PIEZO1: variants seen among roughly 807,000 people sequenced by gnomAD.
PIEZO1 encodes piezo type mechanosensitive ion channel component 1 (Er blood group).
Under a neutral mutation model 297.2 loss-of-function variants are expected in PIEZO1, and 296 were observed. The observed-to-expected ratio is 1.00, with a 90% CI of 0.91 to 1.10. The LOEUF (loss-of-function observed/expected upper bound fraction) is 1.10. Among genes scored for constraint, PIEZO1 ranks in the 50% least tolerant of loss-of-function variants. The probability of loss-of-function intolerance (pLI) is 0.00; values close to 1 mark genes in which losing one functional copy is unlikely to be tolerated. For synonymous variants in PIEZO1, 2,427 were observed against 1,507.5 expected (o/e 1.61, Z -14.13); for missense variants, 5,018 against 3,455.5 (o/e 1.45, Z -11.34).
At chr16:88,765,081 C>T (rs1907111161) in intron 1 of PIEZO1, among the ~76,000 whole-genome samples, 1 of 152,254 alleles carries the variant, frequency 6.6e-6, no homozygotes, top group African/African-American at 2.4e-5. Context: ...TGACTCAGAG[C>T]CCTCACCCTG....
chr16:88,715,340 T>C lies in PIEZO1; in HGVS notation c.*265A>G, dbSNP rs1597437666. 7.5e-7 allele frequency: 1 copy of C among 1,331,312 alleles called. No homozygotes were observed. 82.5% of individuals were successfully genotyped at this position (1,331,312 alleles called of 1,614,324 possible). On this transcript the variant is annotated 3_prime_UTR_variant, in exon 51 of 51. Transcript: ENST00000301015. ...AAGGCAAGGACGGGGGACTGGCCTC[T>C]GATTGTCCATTTGTATAAATAAAAC...
At position 88,732,517 on chromosome 16, in the gene PIEZO1, G is replaced by A. The variant is rs1439610784; in HGVS notation, c.2809C>T (p.Leu937=). ...GYIQNHLQVL[L]LLVFEAIVYR... The stretch of plus-strand genomic sequence containing the variant: ...ACGATGGCCTCGAATACCAGCAGCA[G>A]CAGCACTTGCAGGTGGTTCTGCGGA... Residue 937 remains leucine, a synonymous_variant, in exon 21 of 51, where the codon CTG becomes TTG. Transcript: ENST00000301015. The A allele has an allele frequency of 2.3e-5, 35 of 1,547,280 alleles. 1 individual carries two copies. The highest frequency in any genetic ancestry group is 9.5e-5 in the South Asian group (8 of 83,982).
At position 88,723,229 on chromosome 16, in the gene PIEZO1, T is replaced by G. The variant is rs556192149; in HGVS notation, c.4435A>C (p.Thr1479Pro). 109 of 1,547,474 alleles carry G rather than the reference T, an allele frequency of 7.0e-5. 4 individuals are homozygous for G. The South Asian group carries it at 1.1e-3, about 16-fold the overall frequency. ...GTCCCCACGCCCCCCAGCTCACCTGTGGGTAGCTGTCCTGCCTGTTCCTGC... is the reference window on the plus strand; with the variant it reads ...GTCCCCACGCCCCCCAGCTCACCTGGGGGTAGCTGTCCTGCCTGTTCCTGC... ...ARQEQAGQLP[T>P]GGGPSQEVEP... The change falls in exon 32 of 51, where the codon ACA becomes CCA. Residue 1479 changes from threonine (T) to proline (P), a missense_variant. Thr to Pro is a conservative substitution (Grantham distance 38, BLOSUM62 -1). Transcript: ENST00000301015.
rs939613776 is a variant in PIEZO1 at position 88,717,329 on chromosome 16, C to A, written c.6472-118G>T. On this transcript the variant is annotated intron_variant, in intron 44 of 50. Transcript: ENST00000301015. Reference sequence around the variant, plus strand: ...GCCCCAGCCTGACCTCAGTATGGCACAGCGGTAGTAATGGTGGGCAGACAC... The same window carrying A: ...GCCCCAGCCTGACCTCAGTATGGCAAAGCGGTAGTAATGGTGGGCAGACAC... 2.6e-5 allele frequency: 22 copies of A among 850,648 alleles called. No homozygotes were observed. The African/African-American group carries it at 2.8e-4, about 11-fold the overall frequency. The allele number at this position is 850,648 out of a possible 1,614,324, so 52.7% of individuals were successfully genotyped here.
At chr16:88,753,240 C>CA (rs1906487302) in intron 1 of PIEZO1, among the ~76,000 whole-genome samples, 1 of 61,076 alleles carries the variant, frequency 1.6e-5, no homozygotes, top group Non-Finnish European at 3.1e-5. Context: ...GCACACCAGC[C>CA]CCCCCAGAGC....
chr16:88,721,620 A>G lies in PIEZO1; in HGVS notation c.5321T>C (p.Leu1774Pro). The G allele has an allele frequency of 2.6e-6, 4 of 1,550,178 alleles. No individual in the cohort carries two copies. The highest frequency in any genetic ancestry group is 1.2e-5 in the South Asian group (1 of 84,064). Residue 1774 changes from leucine to proline, a missense_variant, in exon 38 of 51, where the codon CTG (leucine) becomes CCG (proline). Transcript: ENST00000301015. ...ENKPYFPPRI[L>P]GLEKTDGYIK... is the part of the protein sequence containing the mutation. ...GTAGCCGTCAGTCTTCTCCAGGCCCAGGATGCGGGGCGGGAAGTAGGGCTT... is the reference window on the plus strand; with the variant it reads ...GTAGCCGTCAGTCTTCTCCAGGCCCGGGATGCGGGGCGGGAAGTAGGGCTT...
Position 88,715,535 on chromosome 16 carries a change from G to C in PIEZO1, c.*70C>G, listed in dbSNP as rs1911930214. On this transcript the variant is annotated 3_prime_UTR_variant, in exon 51 of 51. Coordinates refer to ENST00000301015, the MANE Select transcript of PIEZO1 (RefSeq NM_001142864.4). ...GGGGCAGTGGCTCCCCCGGCCTGAG[G>C]AGTGCCGCCCCTTGTGGCCACGCTG... 1 of 1,449,974 alleles carries C rather than the reference G, an allele frequency of 6.9e-7. No individual in the cohort carries two copies. Among genetic ancestry groups the C allele is most frequent in the Non-Finnish European group, 9.3e-7 (1 of 1,073,288 alleles). The allele number at this position is 1,449,974 out of a possible 1,614,324, so 89.8% of individuals were successfully genotyped here. A position where few individuals can be genotyped will look rare whatever the true frequency, so the allele number is the denominator to read the frequency against.
intron 1 of PIEZO1, among the ~76,000 whole-genome samples, chr16:88,763,995 G>T (rs548936841): frequency 6.6e-6 from 1 of 152,266 alleles, no homozygotes; most frequent in Non-Finnish European, 1.5e-5. Context: ...AGGGGTTTCA[G>T]GAGCCCACAG....
chr16:88,769,812 C>T (rs1001485197), intron 1 of PIEZO1, among the ~76,000 whole-genome samples: 8 of 152,204 alleles, frequency 5.3e-5, no homozygotes, highest in South Asian at 2.1e-4. Flanking sequence ...GGGGCCAGGA[C>T]GAGCCTCATG....
At chr16:88,756,364 C>T (rs1038393011) in intron 1 of PIEZO1, among the ~76,000 whole-genome samples, 3 of 152,154 alleles carry the variant, frequency 2.0e-5, no homozygotes, top group African/African-American at 7.2e-5. Context: ...CCACAATGGC[C>T]GCACTGGCCA....
intron 35 of PIEZO1, 72 bp downstream of exon 35, chr16:88,722,511 G>C (rs1160828376): frequency 2.1e-6 from 3 of 1,430,846 alleles, no homozygotes; most frequent in African/African-American, 1.4e-5. Context: ...GGAATGGCGA[G>C]GGTCGGGGAT....
chr16:88,748,622 T>C (rs1386761773), intron 2 of PIEZO1, among the ~76,000 whole-genome samples: 1 of 151,994 alleles, frequency 6.6e-6, no homozygotes, highest in Admixed American at 6.6e-5. Context: ...GCCTGGAGCC[T>C]GCAGAGAGTG....
Position 88,767,276 on chromosome 16 carries a change from T to C in PIEZO1, c.64+17625A>G, listed in dbSNP as rs145873466. 3.3e-5 allele frequency among the ~76,000 whole-genome samples: 5 copies of C among 152,282 alleles called. No individual in the cohort carries two copies. In the East Asian group the frequency reaches 9.7e-4, roughly 29 times the overall value. On this transcript the variant is annotated intron_variant, in intron 1 of 50. Transcript: ENST00000301015. The stretch of plus-strand genomic sequence containing the variant: ...CCAGGGCCATCTGCAAGGGCATCCC[T>C]GGCCTGTGGCTGTGCTGAGACCCCT...
At position 88,726,347 on chromosome 16, in the gene PIEZO1, A is replaced by C; in HGVS notation, c.3905T>G (p.Phe1302Cys). 1 of 1,550,386 alleles carries C rather than the reference A, an allele frequency of 6.5e-7. No homozygotes were observed. Among genetic ancestry groups the C allele is most frequent in the Non-Finnish European group, 8.7e-7 (1 of 1,146,928 alleles). ...FFFLLLQRRV[F>C]LSHYYLHVRA... ...GACGTGCAGGTAGTAATGGCTAAGGAAGACGCGGCGCTGCAGCAGCAGGAA... is the reference window on the plus strand; with the variant it reads ...GACGTGCAGGTAGTAATGGCTAAGGCAGACGCGGCGCTGCAGCAGCAGGAA... Residue 1302 changes from phenylalanine to cysteine, a missense_variant, in exon 27 of 51, where the codon TTC (phenylalanine) becomes TGC (cysteine). By Grantham distance (205) the Phe-to-Cys change is radical (BLOSUM62 -2). Transcript: ENST00000301015.
At position 88,732,267 on chromosome 16, in the gene PIEZO1, C is replaced by T. The variant is rs181125579; in HGVS notation, c.2991+68G>A. Reference sequence around the variant, plus strand: ...TGGGGCCAGGCTTGCGGTGCCTGCACGGTGCAGCCGTCCCTCCCTCCCGAA... The same window carrying T: ...TGGGGCCAGGCTTGCGGTGCCTGCATGGTGCAGCCGTCCCTCCCTCCCGAA... On this transcript the variant is annotated intron_variant, in intron 21 of 50. Transcript: ENST00000301015. 1.8e-3 allele frequency: 2,513 copies of T among 1,374,036 alleles called. 17 individuals are homozygous for T. The highest frequency in any genetic ancestry group is 9.3e-3 in the African/African-American group (645 of 69,694). The allele number at this position is 1,374,036 out of a possible 1,614,324, so 85.1% of individuals were successfully genotyped here. A position where few individuals can be genotyped will look rare whatever the true frequency, so the allele number is the denominator to read the frequency against.
chr16:88,760,929 C>A (rs893042696), intron 1 of PIEZO1, among the ~76,000 whole-genome samples: 1 of 152,250 alleles, frequency 6.6e-6, no homozygotes, highest in Non-Finnish European at 1.5e-5. Context: ...CTGACCTACA[C>A]GGGGCAGGGT....
chr16:88,772,406 G>A (rs1907464831), intron 1 of PIEZO1, among the ~76,000 whole-genome samples: 2 of 152,182 alleles, frequency 1.3e-5, no homozygotes, highest in South Asian at 2.1e-4. Flanking sequence ...CAACAGCCAC[G>A]CTGGAGCTGA....
intron 1 of PIEZO1, among the ~76,000 whole-genome samples, chr16:88,767,737 G>A (rs1011065667): frequency 6.6e-6 from 1 of 152,142 alleles, no homozygotes; most frequent in Admixed American, 6.5e-5. Context: ...GGGAGGGGCA[G>A]AGCCAAGCCA....
At chr16:88,720,808 C>T in intron 39 of PIEZO1, 60 bp from the exon 40 acceptor site, 1 of 1,436,946 alleles carries the variant, frequency 7.0e-7, no homozygotes, top group East Asian at 2.5e-5. Context: ...GCTCATGGCT[C>T]CTGACCACCC....
Sources: allele counts gnomAD v4.1 joint callset (sites outside exome capture counted in the v4.1 genomes callset), GRCh38; gene constraint gnomAD v4.1.1; transcripts MANE v1.5; gene names NCBI Gene and HGNC (gene_info 2026-07-23, HGNC 2026-07-21).